The following GRIK2 variants were observed in gnomAD, a reference collection of about 807,000 sequenced individuals.
GRIK2 encodes glutamate ionotropic receptor kainate type subunit 2.
GRIK2 carries 32 observed loss-of-function variants against 100.3 expected under a neutral mutation model. The observed-to-expected ratio is 0.32, with a 90% CI of 0.24 to 0.43. The LOEUF (loss-of-function observed/expected upper bound fraction) is 0.43. Among genes scored for constraint, GRIK2 ranks in the 20% least tolerant of loss-of-function variants. GRIK2 has a pLI of 1.00. For missense variants in GRIK2, 843 were observed against 1,114.9 expected, an observed-to-expected ratio of 0.76 and a Z score of 3.47; for synonymous variants, 417 against 389.4, an observed-to-expected ratio of 1.07 and a Z score of -0.83.
chr6:101,800,574 A>G (rs768040089), intron 8 of GRIK2, among the ~76,000 whole-genome samples: 4 of 152,114 alleles, frequency 2.6e-5, no homozygotes, highest in Admixed American at 6.6e-5. Context: ...TCATCAGTTC[A>G]TCTTGTAATA....
intron 2 of GRIK2, among the ~76,000 whole-genome samples, chr6:101,525,403 T>G (rs1157028000): frequency 2.6e-5 from 4 of 152,116 alleles, no homozygotes; most frequent in Non-Finnish European, 1.5e-5. Flanking sequence ...ATTCTGATGA[T>G]TATGGTGGTG....
At chr6:101,891,712 G>A (rs550475616) in intron 12 of GRIK2, 2 of 316,076 alleles carry the variant, frequency 6.3e-6, no homozygotes, top group Admixed American at 4.3e-5. Flanking sequence ...TTGCCATATA[G>A]CATTTGAAGC....
At chr6:101,927,344 C>A in intron 13 of GRIK2, 1 of 713,970 alleles carries the variant, frequency 1.4e-6, no homozygotes, top group Non-Finnish European at 1.7e-6. Context: ...ACTGTAAGTC[C>A]GTCTTTGCTT....
chr6:101,543,931 T>A (rs1447503356), intron 2 of GRIK2, among the ~76,000 whole-genome samples: 6 of 152,014 alleles, frequency 3.9e-5, no homozygotes, highest in Admixed American at 3.9e-4. Context: ...CAATGCCCAG[T>A]GATAGAAAAT....
chr6:101,579,749 G>C (rs1280982794), intron 2 of GRIK2, among the ~76,000 whole-genome samples: 1 of 151,694 alleles, frequency 6.6e-6, no homozygotes, highest in Non-Finnish European at 1.5e-5. Flanking sequence ...TACTCAGGAG[G>C]CTGAGGCAGG....
intron 7 of GRIK2, among the ~76,000 whole-genome samples, chr6:101,793,838 C>T (rs1780079449): frequency 6.6e-6 from 1 of 152,274 alleles, no homozygotes; most frequent in South Asian, 2.1e-4. Flanking sequence ...GCAGGCAGAC[C>T]TCCTTGAGCT....
At chr6:101,569,705 A>G (rs1777442781) in intron 2 of GRIK2, among the ~76,000 whole-genome samples, 1 of 152,106 alleles carries the variant, frequency 6.6e-6, no homozygotes, top group Non-Finnish European at 1.5e-5. Flanking sequence ...ATATTAATTT[A>G]AACAAAAACG....
In GRIK2 at chr6:101,495,302, G is replaced by A. The variant is rs578196748; in HGVS notation, c.115+95910G>A. ...GGGTGGATCACGAGGTTAGGAGATC[G>A]AGACCATCCTGGCTAACATGGTGAA... On this transcript the variant is annotated intron_variant, in intron 2 of 16. Coordinates refer to ENST00000369134, the MANE Select transcript of GRIK2 (RefSeq NM_021956.5). Among the ~76,000 whole-genome samples, 76 of 151,890 alleles carry A rather than the reference G, an allele frequency of 5.0e-4. 1 individual carries two copies. The South Asian group carries it at 0.012, about 25-fold the overall frequency.
At position 101,984,719 on chromosome 6, in the gene GRIK2, A is replaced by C. The variant is rs577064770; in HGVS notation, c.2086-50622A>C. On this transcript the variant is annotated intron_variant, in intron 14 of 16. Coordinates refer to ENST00000369134, the MANE Select transcript of GRIK2 (RefSeq NM_021956.5). Reference sequence around the variant, plus strand: ...CAGTAAAAGGCTGCTCTATTTCAGAATCAATCTAAAGAGAGTTATGCAAGT... The same window carrying C: ...CAGTAAAAGGCTGCTCTATTTCAGACTCAATCTAAAGAGAGTTATGCAAGT... Among the ~76,000 whole-genome samples, 14 of 151,422 alleles carry C rather than the reference A, an allele frequency of 9.2e-5. No individual in the cohort carries two copies. In the South Asian group the frequency reaches 2.3e-3, roughly 25 times the overall value.
intron 15 of GRIK2, among the ~76,000 whole-genome samples, chr6:102,044,155 T>TA: frequency 6.6e-6 from 1 of 152,140 alleles, no homozygotes; most frequent in South Asian, 2.1e-4. Flanking sequence ...ATTTCATCTT[T>TA]AAAAATATAT....
chr6:101,573,894 G>C (rs1777672541), intron 2 of GRIK2, among the ~76,000 whole-genome samples: 1 of 151,942 alleles, frequency 6.6e-6, no homozygotes, highest in Admixed American at 6.6e-5. Flanking sequence ...TTGTTCTAGA[G>C]AAATTTTCCT....
intron 2 of GRIK2, chr6:101,620,230 A>T (rs1366485265): frequency 8.9e-6 from 8 of 900,738 alleles, no homozygotes; most frequent in Non-Finnish European, 1.1e-5. Flanking sequence ...GAAGAATACC[A>T]CTGTTCTTCT....
chr6:101,938,980 A>G lies in GRIK2; in HGVS notation c.2085+10348A>G, dbSNP rs1031020930. On this transcript the variant is annotated intron_variant, in intron 14 of 16. Transcript: ENST00000369134. The stretch of plus-strand genomic sequence containing the variant: ...GATTATCTCTAAAGGTAGGTGTTTC[A>G]TTTATTAAGTATTGTAATTACAGCT... Among the ~76,000 whole-genome samples the G allele has an allele frequency of 7.9e-5, 12 of 152,152 alleles. 1 individual carries two copies. The Middle Eastern group carries it at 0.014, about 173-fold the overall frequency.
At chr6:102,067,167 A>G (rs1352286461) in intron 16 of GRIK2, among the ~76,000 whole-genome samples, 1 of 151,728 alleles carries the variant, frequency 6.6e-6, no homozygotes, top group African/African-American at 2.4e-5. Context: ...TATCATATAT[A>G]ACGTGTTTTG....
intron 4 of GRIK2, among the ~76,000 whole-genome samples, chr6:101,656,529 A>G (rs1175264682): frequency 6.6e-6 from 1 of 152,198 alleles, no homozygotes; most frequent in East Asian, 1.9e-4. Context: ...GATAATATTC[A>G]ACCTTTACCA....
intron 14 of GRIK2, among the ~76,000 whole-genome samples, chr6:101,950,581 AT>A (rs1157923944): frequency 6.6e-6 from 1 of 151,968 alleles, no homozygotes; most frequent in Non-Finnish European, 1.5e-5. Context: ...TCTTCCCCAC[AT>A]TTTCATGACA....
chr6:101,793,069 A>G (rs1461819229), intron 7 of GRIK2, among the ~76,000 whole-genome samples: 1 of 152,104 alleles, frequency 6.6e-6, no homozygotes, highest in Non-Finnish European at 1.5e-5. Context: ...CAGCTCCTTT[A>G]AGCACTTCTC....
At chr6:101,858,136 G>A (rs1784526871) in intron 10 of GRIK2, among the ~76,000 whole-genome samples, 1 of 152,120 alleles carries the variant, frequency 6.6e-6, no homozygotes, top group African/African-American at 2.4e-5. Context: ...GTACCTTGCA[G>A]TTGTTTTCTT....
chr6:101,536,281 AG>A (rs1330280152), intron 2 of GRIK2, among the ~76,000 whole-genome samples: 2 of 151,704 alleles, frequency 1.3e-5, no homozygotes, highest in African/African-American at 2.4e-5. Flanking sequence ...CTTAGATAGA[AG>A]GCTATTAAAC....
Sources: gnomAD v4.1 joint callset for allele counts (sites outside exome capture counted in the v4.1 genomes callset) on GRCh38, gnomAD v4.1.1 for gene constraint, MANE v1.5 for transcripts, NCBI Gene and HGNC (gene_info 2026-07-23, HGNC 2026-07-21) for gene names.